RAB18: variants seen among roughly 807,000 people sequenced by gnomAD.
RAB18 encodes the protein RAB18, member RAS oncogene family, also known as ras-related protein Rab-18.
Under a neutral mutation model 28.5 loss-of-function variants are expected in RAB18, and 10 were observed. That is an observed-to-expected ratio of 0.35 (90% CI 0.22 to 0.60). RAB18 has a LOEUF of 0.60. Ranked by LOEUF, RAB18 falls within the 20% of genes least tolerant of loss-of-function variation. The probability of loss-of-function intolerance (pLI) is 0.78; values close to 1 mark genes in which losing one functional copy is unlikely to be tolerated. For missense variants in RAB18, 188 were observed against 244.2 expected (o/e 0.77, Z 1.53); for synonymous variants, 93 against 86.9 (o/e 1.07, Z -0.39).
At position 27,538,893 on chromosome 10, in the gene RAB18, G is replaced by C. The variant is rs1390102377; in HGVS notation, c.*842G>C. The C allele has an allele frequency of 2.2e-6, 1 of 453,642 alleles. No homozygotes were observed. Among genetic ancestry groups the C allele is most frequent in the African/African-American group, 2.0e-5 (1 of 49,884 alleles). 28.1% of individuals were successfully genotyped at this position (453,642 alleles called of 1,614,324 possible). A position where few individuals can be genotyped will look rare whatever the true frequency, so the allele number is the denominator to read the frequency against. ...ATAAATGTTGGTAGTGTTTGTCCAG[G>C]TACCTTAACTGTAGCTTGTGTAATG... On this transcript the variant is annotated 3_prime_UTR_variant, in exon 7 of 7. Coordinates refer to ENST00000356940, the MANE Select transcript of RAB18 (RefSeq NM_021252.5).
intron 2 of RAB18, among the ~76,000 whole-genome samples, chr10:27,523,329 T>C (rs1247210143): frequency 1.3e-5 from 2 of 150,254 alleles, no homozygotes; most frequent in Non-Finnish European, 3.0e-5. Context: ...TGGATTTATA[T>C]TTTTCATCAA....
intron 4 of RAB18, among the ~76,000 whole-genome samples, chr10:27,533,104 AATTGT>A (rs1483889544): frequency 6.6e-6 from 1 of 152,078 alleles, no homozygotes; most frequent in Non-Finnish European, 1.5e-5. Flanking sequence ...AATATTGATC[AATTGT>A]ATTAATAGGT....
rs1421589927 is a variant in RAB18, at chr10:27,541,774, G to C, written c.*3723G>C. The C allele has an allele frequency of 2.0e-5, 9 of 452,902 alleles. No individual in the cohort carries two copies. The highest frequency in any genetic ancestry group is 9.4e-5 in the Admixed American group (4 of 42,412). 28.1% of individuals were successfully genotyped at this position (452,902 alleles called of 1,614,324 possible). A position where few individuals can be genotyped will look rare whatever the true frequency, so the allele number is the denominator to read the frequency against. ...TGTGACTGACTTTAATTTCTTGTTTGTGTGTGCTGTGGCTGCCCGATCCAG... is the reference window on the plus strand; with the variant it reads ...TGTGACTGACTTTAATTTCTTGTTTCTGTGTGCTGTGGCTGCCCGATCCAG... On this transcript the variant is annotated 3_prime_UTR_variant, in exon 7 of 7. Coordinates refer to ENST00000356940, the MANE Select transcript of RAB18 (RefSeq NM_021252.5).
At chr10:27,511,705 A>C (rs571886341) in intron 2 of RAB18, among the ~76,000 whole-genome samples, 1 of 152,302 alleles carries the variant, frequency 6.6e-6, no homozygotes, top group African/African-American at 2.4e-5. Flanking sequence ...GTGTCAGTGA[A>C]GTTATTATTT....
intron 2 of RAB18, among the ~76,000 whole-genome samples, chr10:27,517,121 G>A (rs1335704691): frequency 3.3e-5 from 5 of 152,168 alleles, no homozygotes; most frequent in Non-Finnish European, 2.9e-5. Flanking sequence ...CCAGCACTTT[G>A]GGATGCTGAG....
chr10:27,513,902 AAAC>A (rs1834378851), intron 2 of RAB18: 1 of 152,278 alleles, frequency 6.6e-6, no homozygotes, highest in Non-Finnish European at 1.5e-5. Flanking sequence ...AAATGAAGCC[AAAC>A]AAGGAGTCAC....
Position 27,504,336 on chromosome 10 carries a change from C to A in RAB18, c.-34C>A. 1 of 1,559,918 alleles carries A rather than the reference C, an allele frequency of 6.4e-7. No individual in the cohort carries two copies. The highest frequency in any genetic ancestry group is 1.2e-5 in the South Asian group (1 of 84,850). The stretch of plus-strand genomic sequence containing the variant: ...TGAAGGGCTGAGAGGCGCACCCGGG[C>A]GGCCAGCTGGGCTCGGAGCGGAACG... On this transcript the variant is annotated 5_prime_UTR_variant, in exon 1 of 7. Transcript: ENST00000356940.
Position 27,538,377 on chromosome 10 carries a change from T to C in RAB18, c.*326T>C, listed in dbSNP as rs1225613187. On this transcript the variant is annotated 3_prime_UTR_variant, in exon 7 of 7. Transcript: ENST00000356940. ...ATGTTGATACAAAGTCTGCTTTTGC[T>C]ATTCTTTTTGCTTAAATACTCCTAT... 4.2e-6 allele frequency: 2 copies of C among 478,848 alleles called. No homozygotes were observed. The highest frequency in any genetic ancestry group is 8.2e-6 in the Non-Finnish European group (2 of 243,322). The allele number at this position is 478,848 out of a possible 1,614,324, so 29.7% of individuals were successfully genotyped here. A position where few individuals can be genotyped will look rare whatever the true frequency, so the allele number is the denominator to read the frequency against.
At chr10:27,510,128 T>A in intron 2 of RAB18, 198 bp downstream of exon 2, 1 of 602,470 alleles carries the variant, frequency 1.7e-6, no homozygotes, top group East Asian at 2.8e-5. Flanking sequence ...GAAAATAACT[T>A]CCTTATCTGT....
At chr10:27,512,369 C>T (rs1834341588) in intron 2 of RAB18, among the ~76,000 whole-genome samples, 1 of 152,020 alleles carries the variant, frequency 6.6e-6, no homozygotes, top group African/African-American at 2.4e-5. Context: ...TGAAGTGGCA[C>T]AACCTTGGCT....
chr10:27,532,125 T>TA (rs61705821), intron 3 of RAB18, among the ~76,000 whole-genome samples: 11,590 of 145,724 alleles, frequency 0.08, 681 homozygotes, highest in East Asian at 0.31. Flanking sequence ...TGGTAAGATT[T>TA]AAAAAAAAAA....
intron 2 of RAB18, 93 bp downstream of exon 2, chr10:27,510,023 C>A: frequency 1.1e-6 from 1 of 911,850 alleles, no homozygotes; most frequent in Non-Finnish European, 1.8e-6. Flanking sequence ...CTCTCACCAC[C>A]CCACTGCCTC....
At chr10:27,520,454 C>T (rs1311722658) in intron 2 of RAB18, among the ~76,000 whole-genome samples, 4 of 151,772 alleles carry the variant, frequency 2.6e-5, no homozygotes, top group African/African-American at 9.7e-5. Context: ...CTTTGGTTAT[C>T]AGTTTTCCTT....
At chr10:27,521,065 G>A (rs1251230548) in intron 2 of RAB18, among the ~76,000 whole-genome samples, 1 of 151,206 alleles carries the variant, frequency 6.6e-6, no homozygotes, top group African/African-American at 2.4e-5. Flanking sequence ...TGTTTAAAAG[G>A]GTATTGTTTC....
chr10:27,509,902 G>C lies in RAB18; in HGVS notation c.96G>C (p.Thr32=). ...SSLLLRFTDD[T]FDPELAATIG... ...TGCTCTTGAGGTTCACAGATGATACGTTTGATCCAGAACTTGCAGCAACAA... is the reference window on the plus strand; with the variant it reads ...TGCTCTTGAGGTTCACAGATGATACCTTTGATCCAGAACTTGCAGCAACAA... Residue 32 remains threonine, a synonymous_variant, in exon 2 of 7, where the codon ACG becomes ACC. Coordinates refer to ENST00000356940, the MANE Select transcript of RAB18 (RefSeq NM_021252.5). The C allele has an allele frequency of 9.3e-6, 15 of 1,612,990 alleles. No individual in the cohort carries two copies. Among genetic ancestry groups the C allele is most frequent in the Non-Finnish European group, 1.3e-5 (15 of 1,179,336 alleles).
chr10:27,527,685 G>T (rs907700237), intron 3 of RAB18, among the ~76,000 whole-genome samples: 6 of 151,798 alleles, frequency 4.0e-5, no homozygotes, highest in African/African-American at 1.5e-4. Flanking sequence ...AATCATATTA[G>T]AACTGATCAG....
chr10:27,504,794 C>T (rs1452088391), intron 1 of RAB18: 2 of 520,952 alleles, frequency 3.8e-6, no homozygotes, highest in East Asian at 4.9e-5. Flanking sequence ...CGCCTTGCCT[C>T]GAACCTCTCG....
intron 1 of RAB18, among the ~76,000 whole-genome samples, chr10:27,505,576 T>A (rs752140883): frequency 6.6e-6 from 1 of 152,120 alleles, no homozygotes; most frequent in Non-Finnish European, 1.5e-5. Context: ...TTATTTATTT[T>A]TTGAGACGGA....
At chr10:27,513,796 A>G (rs536813966) in intron 2 of RAB18, among the ~76,000 whole-genome samples, 1 of 152,366 alleles carries the variant, frequency 6.6e-6, no homozygotes, top group East Asian at 1.9e-4. Context: ...CCCCTGAGGT[A>G]TAAAACCTAA....
Sources: gnomAD v4.1 joint callset for allele counts (sites outside exome capture counted in the v4.1 genomes callset) on GRCh38, gnomAD v4.1.1 for gene constraint, MANE v1.5 for transcripts, NCBI Gene and HGNC (gene_info 2026-07-23, HGNC 2026-07-21) for gene names.